The following ZNRF3 variants were observed in gnomAD, a reference collection of about 807,000 sequenced individuals.
The protein encoded by ZNRF3 is E3 ubiquitin-protein ligase ZNRF3.
ZNRF3 carries 23 observed loss-of-function variants against 72.5 expected under a neutral mutation model. That is an observed-to-expected ratio of 0.32 (90% CI 0.23 to 0.45). ZNRF3 has a LOEUF of 0.45. Among genes scored for constraint, ZNRF3 ranks in the 20% least tolerant of loss-of-function variants. The probability of loss-of-function intolerance (pLI) is 1.00; values close to 1 mark genes in which losing one functional copy is unlikely to be tolerated. For synonymous variants in ZNRF3, 610 were observed against 545.3 expected, an observed-to-expected ratio of 1.12 and a Z score of -1.65; for missense variants, 1,169 against 1,272.1, an observed-to-expected ratio of 0.92 and a Z score of 1.23.
chr22:28,981,952 G>A (rs971917507), intron 1 of ZNRF3, among the ~76,000 whole-genome samples: 2 of 152,084 alleles, frequency 1.3e-5, no homozygotes, highest in Non-Finnish European at 2.9e-5. Context: ...AGCCGAGATC[G>A]CGCCACTGTG....
At chr22:29,015,542 C>A (rs866092397) in intron 2 of ZNRF3, among the ~76,000 whole-genome samples, 2 of 151,786 alleles carry the variant, frequency 1.3e-5, no homozygotes, top group African/African-American at 4.8e-5. Flanking sequence ...TGGTGGTGCA[C>A]GCCTGTAGTC....
At chr22:28,898,449 G>A (rs569476409) in intron 1 of ZNRF3, among the ~76,000 whole-genome samples, 1 of 152,350 alleles carries the variant, frequency 6.6e-6, no homozygotes, top group East Asian at 1.9e-4. Context: ...CCAGTCTGGC[G>A]TGTGCCTGCC....
In ZNRF3 at chr22:29,032,934, C is replaced by A. The variant is rs994313765; in HGVS notation, c.427-9561C>A. Among the ~76,000 whole-genome samples the A allele has an allele frequency of 2.6e-5, 4 of 152,198 alleles. No individual in the cohort carries two copies. In the South Asian group the frequency reaches 8.3e-4, roughly 31 times the overall value. ...GCAGCCTGAGGGAATAATACCTGAA[C>A]AGAGAGAGAAGCAGTAAATGAACCC... On this transcript the variant is annotated intron_variant, in intron 2 of 8. Coordinates refer to ENST00000544604, the MANE Select transcript of ZNRF3 (RefSeq NM_001206998.2).
rs1401196755 is a variant in ZNRF3 at position 29,049,834 on chromosome 22, C to T, written c.1653C>T (p.Ser551=). The change falls in exon 8 of 9, where the codon AGC becomes AGT. Residue 551 remains serine (S), a synonymous_variant. Transcript: ENST00000544604. The surrounding 1 kb of genome is among the most constrained non-coding windows in gnomAD (Gnocchi z 5.2). ...TGGCCGACTGCCCAGGCAGCGACAG[C>T]AGCAGCAGCAGCAGCTCCGGCCAGT... ...GYLADCPGSD[S]SSSSSSGQCH... The T allele has an allele frequency of 6.2e-7, 1 of 1,607,862 alleles. No homozygotes were observed. Among genetic ancestry groups the T allele is most frequent in the South Asian group, 1.1e-5 (1 of 90,414 alleles).
rs1341201346 is a variant in ZNRF3, at chr22:29,055,804, G to GTTT, written c.*2182_*2183insTTT. 3.2e-5 allele frequency: 3 copies of GTTT among 94,874 alleles called. No homozygotes were observed. The highest frequency in any genetic ancestry group is 2.0e-4 in the Admixed American group (2 of 9,936). 5.9% of individuals were successfully genotyped at this position (94,874 alleles called of 1,614,324 possible). ...TATTTTTTTGTTGTTGTTTCTGGGG[G>GTTT]GTTTTTTTGTTTTGTTTTTAATGCC... On this transcript the variant is annotated 3_prime_UTR_variant, in exon 9 of 9. Transcript: ENST00000544604.
In ZNRF3 at chr22:28,935,901, C is replaced by T. The variant is rs1187658072; in HGVS notation, c.301-51175C>T. 2.0e-5 allele frequency among the ~76,000 whole-genome samples: 3 copies of T among 152,168 alleles called. No individual in the cohort carries two copies. In the East Asian group the frequency reaches 5.8e-4, roughly 29 times the overall value. ...AGGTGAGTAGATGATGCATTTGCTT[C>T]AAGAAGTGTTGCCTGTACTTCCCAT... is the stretch of plus-strand genomic sequence containing the variant. On this transcript the variant is annotated intron_variant, in intron 1 of 8. Coordinates refer to ENST00000544604, the MANE Select transcript of ZNRF3 (RefSeq NM_001206998.2).
intron 1 of ZNRF3, among the ~76,000 whole-genome samples, chr22:28,884,609 C>T (rs537785802): frequency 6.6e-6 from 1 of 152,248 alleles, no homozygotes; most frequent in East Asian, 1.9e-4. Flanking sequence ...CAGCAGCAGG[C>T]AGGGGAGGAG....
Position 28,887,231 on chromosome 22 carries a change from AGAGAGTGTGT to A in ZNRF3, c.300+3167_300+3176del, listed in dbSNP as rs1381310994. 2.7e-3 allele frequency among the ~76,000 whole-genome samples: 307 copies of A among 112,016 alleles called. 1 individual carries two copies. In the East Asian group the frequency reaches 0.034, roughly 13 times the overall value. The allele number at this position is 112,016 out of a possible 152,430, so 73.5% of individuals were successfully genotyped here. A position where few individuals can be genotyped will look rare whatever the true frequency, so the allele number is the denominator to read the frequency against. On this transcript the variant is annotated intron_variant, in intron 1 of 8. Transcript: ENST00000544604. ...ATTATATGCCAACGAAGAGAGAGAG[AGAGAGTGTGT>A]GTGTGTGTGTGTGTGTGTGTGTGTG...
intron 2 of ZNRF3, among the ~76,000 whole-genome samples, chr22:29,034,571 T>G (rs1433609447): frequency 6.6e-6 from 1 of 152,224 alleles, no homozygotes; most frequent in African/African-American, 2.4e-5. Context: ...TAGGAGCCTC[T>G]AGCATGTTAG....
intron 2 of ZNRF3, among the ~76,000 whole-genome samples, chr22:29,032,450 G>A (rs2036780753): frequency 6.6e-6 from 1 of 152,196 alleles, no homozygotes; most frequent in Admixed American, 6.5e-5. Flanking sequence ...TTGGCCGGAG[G>A]AGACACGATG....
chr22:28,919,541 C>CT (rs1242446288), intron 1 of ZNRF3, among the ~76,000 whole-genome samples: 7,006 of 140,434 alleles, frequency 0.05, 222 homozygotes, highest in Non-Finnish European at 0.072. Flanking sequence ...AGCCTCTTTA[C>CT]TTTTTTTTTT....
intron 3 of ZNRF3, 93 bp from the exon 4 acceptor site, chr22:29,043,206 G>A: frequency 7.2e-7 from 1 of 1,379,792 alleles, no homozygotes; most frequent in South Asian, 1.4e-5. Flanking sequence ...TTCCAGACAG[G>A]TATTCAGTGT....
intron 2 of ZNRF3, among the ~76,000 whole-genome samples, chr22:29,042,040 T>A (rs1458779723): frequency 6.6e-6 from 1 of 152,190 alleles, no homozygotes; most frequent in African/African-American, 2.4e-5. Context: ...TGTTAAGTTA[T>A]CAATTATGTA....
At chr22:28,952,640 G>A (rs1371431963) in intron 1 of ZNRF3, among the ~76,000 whole-genome samples, 1 of 152,064 alleles carries the variant, frequency 6.6e-6, no homozygotes, top group East Asian at 1.9e-4. Flanking sequence ...AGAGCAGTTT[G>A]CTTCTATTAA....
intron 1 of ZNRF3, among the ~76,000 whole-genome samples, chr22:28,904,772 C>T (rs1433997486): frequency 6.6e-6 from 1 of 152,012 alleles, no homozygotes; most frequent in African/African-American, 2.4e-5. Flanking sequence ...TTGGTAAAGG[C>T]TACCTCTCTG....
At chr22:28,918,611 C>T (rs534386088) in intron 1 of ZNRF3, among the ~76,000 whole-genome samples, 1 of 150,322 alleles carries the variant, frequency 6.7e-6, no homozygotes, top group African/African-American at 2.5e-5. Flanking sequence ...TATTTCTTTT[C>T]AAGAGAGATA....
At chr22:28,953,203 G>A (rs987847227) in intron 1 of ZNRF3, among the ~76,000 whole-genome samples, 3 of 152,202 alleles carry the variant, frequency 2.0e-5, no homozygotes, top group African/African-American at 2.4e-5. Context: ...GGCATGGTAG[G>A]TGAAGGTTCC....
intron 1 of ZNRF3, among the ~76,000 whole-genome samples, chr22:28,888,251 A>G (rs1156743298): frequency 1.3e-5 from 2 of 152,188 alleles, no homozygotes; most frequent in Non-Finnish European, 2.9e-5. Context: ...ATTTTAGGAA[A>G]CTAATTCCTC....
At chr22:28,959,580 G>A (rs749060222) in intron 1 of ZNRF3, among the ~76,000 whole-genome samples, 3 of 152,212 alleles carry the variant, frequency 2.0e-5, no homozygotes, top group Non-Finnish European at 4.4e-5. Context: ...GTAATTCCCA[G>A]TAACTCTTGA....
Sources: gnomAD v4.1 joint callset for allele counts (sites outside exome capture counted in the v4.1 genomes callset) on GRCh38, gnomAD v4.1.1 for gene constraint, Gnocchi (gnomAD v3.1) non-coding constraint, MANE v1.5 for transcripts, NCBI Gene and HGNC (gene_info 2026-07-23, HGNC 2026-07-21) for gene names.